Variants in TASL observed in about 807,000 individuals in gnomAD.
TASL encodes TLR adaptor interacting with endolysosomal SLC15A4.
A neutral mutation model predicts 12.9 loss-of-function variants in TASL; 6 were observed. That is an observed-to-expected ratio of 0.46 (90% CI 0.25 to 0.92). TASL has a LOEUF of 0.92. Among genes scored for constraint, TASL ranks in the 40% least tolerant of loss-of-function variants. The probability of loss-of-function intolerance (pLI) is 0.17; values close to 1 mark genes in which losing one functional copy is unlikely to be tolerated. For synonymous variants in TASL, 85 were observed against 79.3 expected (o/e 1.07, Z -0.38); for missense variants, 165 against 212.8 (o/e 0.78, Z 1.40).
intron 2 of TASL, among the ~76,000 whole-genome samples, chrX:30,569,169 G>A (rs895904989): frequency 1.2e-4 from 13 of 110,971 alleles, no homozygotes; most frequent in Middle Eastern, 4.6e-3. Context: ...TTTCAGCAGA[G>A]TGAGATTGGT....
At chrX:30,575,279 T>C (rs1246515419) in intron 2 of TASL, among the ~76,000 whole-genome samples, 2 of 111,877 alleles carry the variant, frequency 1.8e-5, no homozygotes, top group African/African-American at 6.5e-5. Flanking sequence ...TGTTCATGAT[T>C]TAATTATGAT....
At position 30,571,268 on chromosome X, in the gene TASL, A is replaced by AAG. The variant is rs752557276; in HGVS notation, c.-2+5482_-2+5483dup. On this transcript the variant is annotated intron_variant, in intron 2 of 2. Transcript: ENST00000378962. The stretch of plus-strand genomic sequence containing the variant: ...AAAGAGAAAGAAAGAGAAAGAAAGA[A>AAG]AGAAAGAAAGAAAGAAAGAAAGAAA... Among the ~76,000 whole-genome samples, 213 of 39,281 alleles carry AAG rather than the reference A, an allele frequency of 5.4e-3. 6 individuals are homozygous for AAG. The highest frequency in any genetic ancestry group is 0.01 in the Non-Finnish European group (169 of 16,513). 34.1% of individuals were successfully genotyped at this position (39,281 alleles called of 115,157 possible).
At chrX:30,570,776 A>G (rs1184563222) in intron 2 of TASL, among the ~76,000 whole-genome samples, 1 of 112,390 alleles carries the variant, frequency 8.9e-6, no homozygotes, top group African/African-American at 3.2e-5. Context: ...GAGTAATAAT[A>G]CATAAAATTT....
chrX:30,573,092 AT>A (rs954741027), intron 2 of TASL, among the ~76,000 whole-genome samples: 1 of 112,078 alleles, frequency 8.9e-6, no homozygotes, highest in African/African-American at 3.2e-5. Context: ...AAATCTTTTA[AT>A]TTTTTTCTCT....
In TASL at chrX:30,569,837, C is replaced by T. The variant is rs536465831; in HGVS notation, c.-2+6915G>A. On this transcript the variant is annotated intron_variant, in intron 2 of 2. Coordinates refer to ENST00000378962, the MANE Select transcript of TASL (RefSeq NM_025159.3). ...ACCATCCTGGCCAACATGGTGAAAC[C>T]CCGTCTCTACTAAAAATACAAAAAT... is the stretch of plus-strand genomic sequence containing the variant. Among the ~76,000 whole-genome samples the T allele has an allele frequency of 4.5e-5, 5 of 110,500 alleles. No individual in the cohort carries two copies. The East Asian group carries it at 8.5e-4, about 19-fold the overall frequency.
At chrX:30,576,069 T>A (rs1930699764) in intron 2 of TASL, among the ~76,000 whole-genome samples, 1 of 111,993 alleles carries the variant, frequency 8.9e-6, no homozygotes, top group African/African-American at 3.2e-5. Flanking sequence ...TCATTAACAT[T>A]TACTTAATTG....
intron 2 of TASL, among the ~76,000 whole-genome samples, chrX:30,565,991 G>A (rs1402960942): frequency 2.8e-5 from 3 of 109,036 alleles, no homozygotes; most frequent in Non-Finnish European, 5.7e-5. Context: ...GGCTGGTCTC[G>A]AACTCCTGAC....
chrX:30,559,248 C>A lies in TASL; in HGVS notation c.*202G>T. 1 of 359,924 alleles carries A rather than the reference C, an allele frequency of 2.8e-6. No homozygotes were observed. Among genetic ancestry groups the A allele is most frequent in the South Asian group, 9.0e-5 (1 of 11,122 alleles). The allele number at this position is 359,924 out of a possible 1,213,427, so 29.7% of individuals were successfully genotyped here. A position where few individuals can be genotyped will look rare whatever the true frequency, so the allele number is the denominator to read the frequency against. ...TACACACCTCTCTTTGAAATCATTC[C>A]TTATGGCTCCTCTTACCATATTCCT... On this transcript the variant is annotated 3_prime_UTR_variant, in exon 3 of 3. Transcript: ENST00000378962.
At position 30,571,223 on chromosome X, in the gene TASL, A is replaced by G. The variant is rs1047986558; in HGVS notation, c.-2+5529T>C. Among the ~76,000 whole-genome samples the G allele has an allele frequency of 5.3e-3, 539 of 100,924 alleles. 5 individuals carry two copies. Among genetic ancestry groups the G allele is most frequent in the Non-Finnish European group, 7.8e-3 (388 of 49,695 alleles). The allele number at this position is 100,924 out of a possible 115,157, so 87.6% of individuals were successfully genotyped here. A position where few individuals can be genotyped will look rare whatever the true frequency, so the allele number is the denominator to read the frequency against. ...AGGAAAGAAAGAAGGAAAGAAGGAA[A>G]GAAGGAAGGAAGGAAGGAAAAAGAG... On this transcript the variant is annotated intron_variant, in intron 2 of 2. Transcript: ENST00000378962.
In TASL at chrX:30,570,572, C is replaced by T. The variant is rs183833709; in HGVS notation, c.-2+6180G>A. Among the ~76,000 whole-genome samples, 1,053 of 111,328 alleles carry T rather than the reference C, an allele frequency of 9.5e-3. 10 individuals are homozygous for T. The highest frequency in any genetic ancestry group is 0.014 in the Non-Finnish European group (740 of 53,074). The stretch of plus-strand genomic sequence containing the variant: ...TCATGTTCTTAACCTCTCAGACACT[C>T]AACTTATCATCTGTAAATTGAGAAT... On this transcript the variant is annotated intron_variant, in intron 2 of 2. Transcript: ENST00000378962.
At chrX:30,574,470 G>A (rs1930679050) in intron 2 of TASL, among the ~76,000 whole-genome samples, 1 of 111,736 alleles carries the variant, frequency 8.9e-6, no homozygotes, top group African/African-American at 3.3e-5. Flanking sequence ...AGTTTTGGAT[G>A]ATGAGGCAAA....
At chrX:30,569,971 T>A (rs980854594) in intron 2 of TASL, among the ~76,000 whole-genome samples, 1 of 108,605 alleles carries the variant, frequency 9.2e-6, no homozygotes, top group South Asian at 4.0e-4. Context: ...TGAGCCCAGA[T>A]AGCGCCACTG....
At position 30,559,936 on chromosome X, in the gene TASL, C is replaced by A; in HGVS notation, c.420G>T (p.Val140=). ...TGCTCTCAGAGGGAAAATCTGTTGT[C>A]ACTGAATTAATGGCCATCACCTGGC... ...AGGQVMAINS[V]TTDFPSESSF... The change falls in exon 3 of 3, where the codon GTG becomes GTT. Residue 140 remains valine, a synonymous_variant. Coordinates refer to ENST00000378962, the MANE Select transcript of TASL (RefSeq NM_025159.3). 9.1e-6 allele frequency: 11 copies of A among 1,211,387 alleles called. No individual in the cohort carries two copies. In the South Asian group the frequency reaches 1.8e-4, roughly 19 times the overall value.
At position 30,560,033 on chromosome X, in the gene TASL, C is replaced by T. The variant is rs773641205; in HGVS notation, c.323G>A (p.Arg108Lys). ...AGAAGATGGAACCAAGTAGGTCTCT[C>T]TGCTGGCATCTCTACATATTTCAAC... ...AAVEICRDAS[R>K]ETYLVPSSCK... Residue 108 changes from arginine (R) to lysine (K), a missense_variant, in exon 3 of 3, where the codon AGA (arginine) becomes AAA (lysine). Physicochemically the swap from Arg to Lys is conservative, Grantham distance 26. Coordinates refer to ENST00000378962, the MANE Select transcript of TASL (RefSeq NM_025159.3). The T allele has an allele frequency of 8.3e-7, 1 of 1,211,377 alleles. No individual in the cohort carries two copies. Among genetic ancestry groups the T allele is most frequent in the Non-Finnish European group, 1.1e-6 (1 of 895,142 alleles).
intron 2 of TASL, among the ~76,000 whole-genome samples, chrX:30,566,727 A>G (rs972887128): frequency 9.0e-6 from 1 of 111,661 alleles, no homozygotes; most frequent in Non-Finnish European, 1.9e-5. Flanking sequence ...TTGTAAAGAT[A>G]TTTTCATTTT....
chrX:30,564,224 C>G (rs1930466355), intron 2 of TASL, among the ~76,000 whole-genome samples: 1 of 111,070 alleles, frequency 9.0e-6, no homozygotes, highest in African/African-American at 3.3e-5. Flanking sequence ...AAAGGTGAGG[C>G]AAATTATTAT....
intron 1 of TASL, among the ~76,000 whole-genome samples, chrX:30,577,217 G>A (rs1156886868): frequency 8.9e-6 from 1 of 112,360 alleles, no homozygotes; most frequent in Non-Finnish European, 1.9e-5. Flanking sequence ...CACCGTAACT[G>A]AATTCAAGAG....
In TASL at chrX:30,559,611, C is replaced by T. The variant is rs776798262; in HGVS notation, c.745G>A (p.Val249Ile). The T allele has an allele frequency of 3.3e-6, 4 of 1,209,087 alleles. No individual in the cohort carries two copies. Among genetic ancestry groups the T allele is most frequent in the Non-Finnish European group, 4.5e-6 (4 of 894,762 alleles). ...ILASELIMTS[V>I]DQISLQVSRE... ...GACACTTGAAGACTGATTTGGTCTA[C>T]ACTTGTCATGATGAGTTCAGACGCC... The change falls in exon 3 of 3, where the codon GTA becomes ATA. Residue 249 changes from valine (V) to isoleucine (I), a missense_variant. By Grantham distance (29) the Val-to-Ile change is conservative. Coordinates refer to ENST00000378962, the MANE Select transcript of TASL (RefSeq NM_025159.3).
intron 2 of TASL, among the ~76,000 whole-genome samples, chrX:30,562,884 TA>T (rs1419180004): frequency 2.1e-5 from 2 of 97,487 alleles, no homozygotes; most frequent in African/African-American, 7.6e-5. Flanking sequence ...AAATGGTTTT[TA>T]AAAAGGTATA....
Sources: allele counts gnomAD v4.1 joint callset (sites outside exome capture counted in the v4.1 genomes callset), GRCh38; gene constraint gnomAD v4.1.1; transcripts MANE v1.5; gene names NCBI Gene and HGNC (gene_info 2026-07-23, HGNC 2026-07-21).